Variants in PRDM16 observed in about 807,000 individuals in gnomAD.
PRDM16 encodes the protein PR/SET domain 16.
A neutral mutation model predicts 110.6 loss-of-function variants in PRDM16; 23 were observed. That is an observed-to-expected ratio of 0.21 (90% confidence interval 0.15 to 0.29). The LOEUF is 0.29. Among genes scored for constraint, PRDM16 ranks in the 10% least tolerant of loss-of-function variants. The probability of loss-of-function intolerance (pLI) is 1.00; values close to 1 mark genes in which losing one functional copy is unlikely to be tolerated. For synonymous variants in PRDM16, 799 were observed against 781.8 expected, an observed-to-expected ratio of 1.02 and a Z score of -0.37; for missense variants, 1,615 against 1,794.3, an observed-to-expected ratio of 0.90 and a Z score of 1.81.
intron 10 of PRDM16, among the ~76,000 whole-genome samples, chr1:3,415,817 T>C (rs963900920): frequency 6.6e-6 from 1 of 152,194 alleles, no homozygotes; most frequent in African/African-American, 2.4e-5. Context: ...AGATGACTAA[T>C]AAGTCACCAA....
intron 3 of PRDM16, among the ~76,000 whole-genome samples, chr1:3,314,071 C>CGGGGGG (rs747479644): frequency 8.6e-4 from 86 of 99,936 alleles, no homozygotes; most frequent in East Asian, 5.1e-3. Context: ...CCTTCCCCAC[C>CGGGGGG]GGGGGGGGGG....
At chr1:3,383,331 G>A (rs1199722391) in intron 3 of PRDM16, among the ~76,000 whole-genome samples, 1 of 152,186 alleles carries the variant, frequency 6.6e-6, no homozygotes, top group Non-Finnish European at 1.5e-5. Flanking sequence ...CTCCCGCCCT[G>A]CACCCCAATC....
chr1:3,278,177 G>T (rs1640633624), intron 3 of PRDM16, among the ~76,000 whole-genome samples: 1 of 152,162 alleles, frequency 6.6e-6, no homozygotes, highest in African/African-American at 2.4e-5. Context: ...TACCGTCCTC[G>T]CCTGGTTTTC....
intron 2 of PRDM16, among the ~76,000 whole-genome samples, chr1:3,239,011 C>G (rs939824338): frequency 6.6e-6 from 1 of 152,230 alleles, no homozygotes; most frequent in African/African-American, 2.4e-5. Flanking sequence ...ACAGGCCCCC[C>G]ACATGTGGCA....
At chr1:3,392,411 A>C (rs766153802) in intron 4 of PRDM16, among the ~76,000 whole-genome samples, 2 of 152,146 alleles carry the variant, frequency 1.3e-5, no homozygotes, top group Non-Finnish European at 2.9e-5. Flanking sequence ...GAAAAAATTC[A>C]TTTATTCCAG....
chr1:3,283,812 C>A (rs13374621), intron 3 of PRDM16, among the ~76,000 whole-genome samples: 2,594 of 152,344 alleles, frequency 0.017, 80 homozygotes, highest in African/African-American at 0.059. Context: ...CCAGCAAAGC[C>A]GGCTGGTGGT....
chr1:3,114,175 GCA>G (rs59552389), intron 1 of PRDM16, among the ~76,000 whole-genome samples: 2,780 of 112,794 alleles, frequency 0.025, 98 homozygotes, highest in African/African-American at 0.084. Context: ...GCACACACAC[GCA>G]CACACACGCA....
chr1:3,086,770 T>C (rs1642162070), intron 1 of PRDM16, among the ~76,000 whole-genome samples: 1 of 152,210 alleles, frequency 6.6e-6, no homozygotes, highest in African/African-American at 2.4e-5. Context: ...GGGCTTGCTG[T>C]CTTCATTTCT....
intron 3 of PRDM16, among the ~76,000 whole-genome samples, chr1:3,328,024 C>T (rs552085152): frequency 6.6e-6 from 1 of 152,354 alleles, no homozygotes; most frequent in East Asian, 1.9e-4. Context: ...TCTCTGGGGA[C>T]CGGAATCCCC....
intron 1 of PRDM16, among the ~76,000 whole-genome samples, chr1:3,098,384 C>T (rs1460070096): frequency 6.6e-6 from 1 of 152,168 alleles, no homozygotes; most frequent in African/African-American, 2.4e-5. Context: ...GAGTGGCGAG[C>T]TGGCAAGGGG....
intron 3 of PRDM16, among the ~76,000 whole-genome samples, chr1:3,294,205 A>T (rs895318969): frequency 6.6e-6 from 1 of 152,026 alleles, no homozygotes; most frequent in Non-Finnish European, 1.5e-5. Context: ...TACCAGGTAA[A>T]CAGGCAAAAT....
rs564018814 is a variant in PRDM16, at chr1:3,290,835, C to T, written c.438+46698C>T. On this transcript the variant is annotated intron_variant, in intron 3 of 16. Coordinates refer to ENST00000270722, the MANE Select transcript of PRDM16 (RefSeq NM_022114.4). The surrounding 1 kb of genome is among the most constrained non-coding windows in gnomAD (Gnocchi z 4.8). ...CGAGCTGAACTTGGCCACATAATGC[C>T]GCTCTGTTTGGGAAGGGCCCGGAGC... Among the ~76,000 whole-genome samples the T allele has an allele frequency of 6.6e-6, 1 of 152,024 alleles. No homozygotes were observed. Among genetic ancestry groups the T allele is most frequent in the Admixed American group, 6.6e-5 (1 of 15,250 alleles).
intron 3 of PRDM16, among the ~76,000 whole-genome samples, chr1:3,294,582 C>T (rs913077649): frequency 3.3e-5 from 5 of 152,142 alleles, no homozygotes; most frequent in African/African-American, 1.2e-4. Flanking sequence ...CTCCTCCCCC[C>T]AGGAACATCC....
At chr1:3,278,676 G>GT (rs1640643393) in intron 3 of PRDM16, among the ~76,000 whole-genome samples, 1 of 152,190 alleles carries the variant, frequency 6.6e-6, no homozygotes, top group East Asian at 1.9e-4. Context: ...GGAGCCTGTG[G>GT]TCTGGTTCGG....
intron 1 of PRDM16, among the ~76,000 whole-genome samples, chr1:3,125,734 G>A (rs910749920): frequency 1.3e-5 from 2 of 152,214 alleles, no homozygotes; most frequent in South Asian, 2.1e-4. Context: ...CATTTGTAAC[G>A]AGTTTGGTCT....
rs1442562185 is a variant in PRDM16, at chr1:3,087,227, CGAGACCAGCCCCACCG to C, written c.37+17947_37+17962del. Among the ~76,000 whole-genome samples, 234 of 143,994 alleles carry C rather than the reference CGAGACCAGCCCCACCG, an allele frequency of 1.6e-3. 3 individuals are homozygous for C. Among genetic ancestry groups the C allele is most frequent in the Admixed American group, 2.8e-3 (41 of 14,736 alleles). The allele number at this position is 143,994 out of a possible 152,430, so 94.5% of individuals were successfully genotyped here. ...AGCCCCACCCGAGACCAGCCCCACC[CGAGACCAGCCCCACCG>C]GAGACCAGCCCCACCTGAGACCAGC... On this transcript the variant is annotated intron_variant, in intron 1 of 16. Coordinates refer to ENST00000270722, the MANE Select transcript of PRDM16 (RefSeq NM_022114.4).
intron 1 of PRDM16, among the ~76,000 whole-genome samples, chr1:3,097,863 C>A (rs1301975297): frequency 6.6e-6 from 1 of 152,138 alleles, no homozygotes; most frequent in Non-Finnish European, 1.5e-5. Flanking sequence ...AGCAGACGCC[C>A]CTCGAGCTGG....
intron 1 of PRDM16, among the ~76,000 whole-genome samples, chr1:3,098,160 AG>A (rs1332566210): frequency 6.6e-6 from 1 of 152,104 alleles, no homozygotes; most frequent in Admixed American, 6.5e-5. Context: ...AATCCTCTGC[AG>A]GTGAGAAGCT....
intron 1 of PRDM16, among the ~76,000 whole-genome samples, chr1:3,105,270 C>A (rs577500143): frequency 6.6e-6 from 1 of 152,174 alleles, no homozygotes; most frequent in Non-Finnish European, 1.5e-5. Context: ...AACTTGAGGG[C>A]CCAGCCCGGC....
Sources: gnomAD v4.1 joint callset for allele counts (sites outside exome capture counted in the v4.1 genomes callset) on GRCh38, gnomAD v4.1.1 for gene constraint, Gnocchi (gnomAD v3.1) non-coding constraint, MANE v1.5 for transcripts, NCBI Gene and HGNC (gene_info 2026-07-23, HGNC 2026-07-21) for gene names.